The following HOOK3 variants were observed in gnomAD, a reference collection of about 807,000 sequenced individuals.
The protein encoded by HOOK3 is hook microtubule tethering protein 3, also known as protein Hook homolog 3.
A neutral mutation model predicts 116.3 loss-of-function variants in HOOK3; 24 were observed. The ratio of observed to expected loss-of-function variants is 0.21; its 90% CI spans 0.15 to 0.29. HOOK3 has a LOEUF of 0.29. Ranked by LOEUF, HOOK3 falls within the 10% of genes least tolerant of loss-of-function variation. The pLI is 1.00. For missense variants in HOOK3, 632 were observed against 830.2 expected, an observed-to-expected ratio of 0.76 and a Z score of 2.93; for synonymous variants, 275 against 283.0, an observed-to-expected ratio of 0.97 and a Z score of 0.28.
chr8:43,019,812 T>G lies in HOOK3; in HGVS notation c.*1314T>G, dbSNP rs1314968384. ...TTATGTATTTGGTCCCAAATTATAT[T>G]TAAGTCTTTTTTCTTGCAACGTAGC... is the stretch of plus-strand genomic sequence containing the variant. On this transcript the variant is annotated 3_prime_UTR_variant, in exon 22 of 22. Coordinates refer to ENST00000307602, the MANE Select transcript of HOOK3 (RefSeq NM_032410.4). 9.8e-6 allele frequency: 2 copies of G among 204,084 alleles called. No individual in the cohort carries two copies. Among genetic ancestry groups the G allele is most frequent in the Non-Finnish European group, 2.0e-5 (2 of 99,686 alleles). 12.6% of individuals were successfully genotyped at this position (204,084 alleles called of 1,614,324 possible).
chr8:42,936,724 A>G (rs2130373603), intron 4 of HOOK3, among the ~76,000 whole-genome samples: 1 of 152,350 alleles, frequency 6.6e-6, no homozygotes, highest in African/African-American at 2.4e-5. Context: ...CCAGCCTTAC[A>G]TCCCAGGGAT....
chr8:42,950,516 A>G (rs1808319396), intron 6 of HOOK3, 61 bp downstream of exon 6: 1 of 1,056,858 alleles, frequency 9.5e-7, no homozygotes, highest in South Asian at 1.5e-5. Context: ...ATGAGTATGA[A>G]TAATACAAGT....
chr8:42,912,173 CCTT>C (rs1471463314), intron 2 of HOOK3, among the ~76,000 whole-genome samples: 1 of 152,120 alleles, frequency 6.6e-6, no homozygotes, highest in East Asian at 1.9e-4. Flanking sequence ...AAACATCAGT[CCTT>C]CTCATTTTGT....
chr8:42,919,210 C>T (rs1807596993), intron 2 of HOOK3, among the ~76,000 whole-genome samples: 1 of 150,244 alleles, frequency 6.7e-6, no homozygotes, highest in South Asian at 2.1e-4. Context: ...GGCAGAGGGG[C>T]TCCTCACTTC....
At chr8:42,974,220 C>T (rs1019603514) in intron 13 of HOOK3, 26 bp downstream of exon 13, 2 of 1,519,014 alleles carry the variant, frequency 1.3e-6, no homozygotes, top group Non-Finnish European at 1.8e-6. Context: ...GAGTACAAAC[C>T]AGATGATTTC....
intron 15 of HOOK3, among the ~76,000 whole-genome samples, chr8:42,996,414 A>C (rs1293059384): frequency 3.3e-5 from 5 of 151,892 alleles, no homozygotes; most frequent in African/African-American, 1.2e-4. Context: ...GAAAAAGAAA[A>C]AGAAAAAAGA....
rs1809889644 is a variant in HOOK3, at chr8:43,024,139, A to G, written c.*5641A>G. On this transcript the variant is annotated 3_prime_UTR_variant, in exon 22 of 22. Coordinates refer to ENST00000307602, the MANE Select transcript of HOOK3 (RefSeq NM_032410.4). Reference sequence around the variant, plus strand: ...CATCTTTGTTTCTAAAGTGAGAGGAAAGTGCTTGGTATCTTGCTTTTTGCT... The same window carrying G: ...CATCTTTGTTTCTAAAGTGAGAGGAGAGTGCTTGGTATCTTGCTTTTTGCT... The G allele has an allele frequency of 4.9e-6, 1 of 205,330 alleles. No individual in the cohort carries two copies. The highest frequency in any genetic ancestry group is 1.0e-5 in the Non-Finnish European group (1 of 100,494). The allele number at this position is 205,330 out of a possible 1,614,324, so 12.7% of individuals were successfully genotyped here.
intron 15 of HOOK3, among the ~76,000 whole-genome samples, chr8:42,995,940 C>T (rs888619751): frequency 2.0e-5 from 3 of 152,096 alleles, no homozygotes; most frequent in Non-Finnish European, 4.4e-5. Flanking sequence ...ATACTATCTT[C>T]CATTTTAAAA....
At chr8:42,933,253 C>T (rs1807904916) in intron 4 of HOOK3, among the ~76,000 whole-genome samples, 1 of 152,136 alleles carries the variant, frequency 6.6e-6, no homozygotes, top group African/African-American at 2.4e-5. Context: ...TTGTATATGC[C>T]ATATGATACC....
At chr8:42,983,202 C>A (rs1053139748) in intron 14 of HOOK3, among the ~76,000 whole-genome samples, 12 of 151,900 alleles carry the variant, frequency 7.9e-5, no homozygotes, top group Admixed American at 1.3e-4. Flanking sequence ...TGTGTGGTGG[C>A]GGGTGCCTGT....
chr8:42,987,515 G>A lies in HOOK3; in HGVS notation c.1532+720G>A, dbSNP rs1809070718. On this transcript the variant is annotated intron_variant, in intron 15 of 21. Transcript: ENST00000307602. ...TGTGTTGGAGCTCTGTTGGTGTGGG[G>A]AGAGCAGTAGCTCCCTCGTAATTGG... Among the ~76,000 whole-genome samples the A allele has an allele frequency of 4.6e-5, 7 of 152,294 alleles. No individual in the cohort carries two copies. In the South Asian group the frequency reaches 1.2e-3, roughly 27 times the overall value.
At chr8:42,973,690 T>C (rs1375324692) in intron 12 of HOOK3, among the ~76,000 whole-genome samples, 1 of 152,230 alleles carries the variant, frequency 6.6e-6, no homozygotes, top group Non-Finnish European at 1.5e-5. Flanking sequence ...TTTGTGTAGC[T>C]TTCTTGTTTT....
intron 17 of HOOK3, among the ~76,000 whole-genome samples, chr8:43,002,840 G>A (rs1446517728): frequency 6.6e-6 from 1 of 152,258 alleles, no homozygotes; most frequent in East Asian, 1.9e-4. Flanking sequence ...AGCACACCCA[G>A]TCTAATCTTC....
At chr8:42,910,091 T>C (rs1163285300) in intron 2 of HOOK3, among the ~76,000 whole-genome samples, 1 of 152,258 alleles carries the variant, frequency 6.6e-6, no homozygotes, top group Non-Finnish European at 1.5e-5. Flanking sequence ...GTTCTCACCA[T>C]AAAACATAAA....
At chr8:43,002,236 G>A (rs762805965) in intron 17 of HOOK3, 95 bp downstream of exon 17, 3 of 853,566 alleles carry the variant, frequency 3.5e-6, no homozygotes, top group Non-Finnish European at 5.7e-6. Flanking sequence ...TGGCACAGGT[G>A]GCCCTTGAAG....
intron 11 of HOOK3, among the ~76,000 whole-genome samples, chr8:42,971,283 CAG>C (rs1040215619): frequency 6.6e-6 from 1 of 152,060 alleles, no homozygotes; most frequent in Non-Finnish European, 1.5e-5. Context: ...TTTCTGGAGA[CAG>C]AGTCAGAGTC....
rs893601620 is a variant in HOOK3 at position 42,964,266 on chromosome 8, A to C, written c.616-45A>C. On this transcript the variant is annotated intron_variant, in intron 8 of 21. Transcript: ENST00000307602. The stretch of plus-strand genomic sequence containing the variant: ...ATTCACAAGTGATTGAGCTGATGCC[A>C]GTGTAGTTGGAAGAAATAACTGCCG... 13 of 1,578,686 alleles carry C rather than the reference A, an allele frequency of 8.2e-6. No homozygotes were observed. The Admixed American group carries it at 1.5e-4, about 18-fold the overall frequency.
chr8:42,913,105 C>CT (rs34170035), intron 2 of HOOK3, among the ~76,000 whole-genome samples: 9 of 150,930 alleles, frequency 6.0e-5, no homozygotes, highest in African/African-American at 1.7e-4. Flanking sequence ...GAGCTTCCCA[C>CT]TTTTTTTTTC....
Position 43,007,778 on chromosome 8 carries a change from C to G in HOOK3, c.1656-69C>G, listed in dbSNP as rs991518449. On this transcript the variant is annotated intron_variant, in intron 17 of 21. Coordinates refer to ENST00000307602, the MANE Select transcript of HOOK3 (RefSeq NM_032410.4). ...AAGTGTAATCCAAATATAAGGAACT[C>G]AGATCTTTAATTTGAACTGGAAAAA... is the stretch of plus-strand genomic sequence containing the variant. 10 of 887,342 alleles carry G rather than the reference C, an allele frequency of 1.1e-5. No homozygotes were observed. In the Admixed American group the frequency reaches 1.7e-4, roughly 15 times the overall value. The allele number at this position is 887,342 out of a possible 1,614,324, so 55.0% of individuals were successfully genotyped here. A position where few individuals can be genotyped will look rare whatever the true frequency, so the allele number is the denominator to read the frequency against.
Sources: allele counts gnomAD v4.1 joint callset (sites outside exome capture counted in the v4.1 genomes callset), GRCh38; gene constraint gnomAD v4.1.1; transcripts MANE v1.5; gene names NCBI Gene and HGNC (gene_info 2026-07-23, HGNC 2026-07-21).